The following PARVA variants were observed in gnomAD, a reference collection of about 807,000 sequenced individuals.
PARVA encodes the protein parvin alpha.
A neutral mutation model predicts 52.6 loss-of-function variants in PARVA; 25 were observed. The observed-to-expected ratio is 0.48, with a 90% CI of 0.35 to 0.66. The LOEUF is 0.66. Among genes scored for constraint, PARVA ranks in the 30% least tolerant of loss-of-function variants. The pLI, the probability that PARVA is intolerant of heterozygous loss-of-function variation, is 0.01. For synonymous variants in PARVA, 185 were observed against 179.1 expected, an observed-to-expected ratio of 1.03 and a Z score of -0.26; for missense variants, 373 against 450.9, an observed-to-expected ratio of 0.83 and a Z score of 1.56.
At chr11:12,459,045 T>A (rs566526182) in intron 1 of PARVA, among the ~76,000 whole-genome samples, 8 of 152,204 alleles carry the variant, frequency 5.3e-5, no homozygotes, top group Non-Finnish European at 1.2e-4. Context: ...GACAACTCAC[T>A]GTTAGGATCA....
At chr11:12,491,728 T>G (rs745327138) in intron 4 of PARVA, among the ~76,000 whole-genome samples, 17 of 152,190 alleles carry the variant, frequency 1.1e-4, no homozygotes, top group Non-Finnish European at 2.1e-4. Context: ...TAATCATTAC[T>G]TCAAGAATTT....
In PARVA at chr11:12,496,520, CA is replaced by C; in HGVS notation, c.468del (p.Lys156AsnfsTer13). 6.2e-7 allele frequency: 1 copy of C among 1,609,934 alleles called. No homozygotes were observed. The highest frequency in any genetic ancestry group is 8.5e-7 in the Non-Finnish European group (1 of 1,178,190). ...EVTQSEIAQK[Q>X]KLQTVLEKIN... is the part of the protein sequence containing the mutation. ...CACCCAGTCAGAGATTGCTCAGAAG[CA>C]AAAACTGCAGACTGTCCTGGAGAAG... On this transcript the variant is annotated frameshift_variant, in exon 5 of 13. Coordinates refer to ENST00000334956, the MANE Select transcript of PARVA (RefSeq NM_018222.5). LOFTEE classifies it high-confidence loss of function.
chr11:12,470,594 G>A lies in PARVA; in HGVS notation c.137-3151G>A, dbSNP rs10831829. 2.0e-5 allele frequency among the ~76,000 whole-genome samples: 3 copies of A among 152,012 alleles called. No homozygotes were observed. In the East Asian group the frequency reaches 5.8e-4, roughly 29 times the overall value. On this transcript the variant is annotated intron_variant, in intron 1 of 12. Transcript: ENST00000334956. ...TAATAGTGAACAAAAGAGAAATAGT[G>A]CCAGTCCTTACAAAACTTACATTCT...
intron 4 of PARVA, among the ~76,000 whole-genome samples, chr11:12,491,748 A>T (rs1349417797): frequency 6.6e-6 from 1 of 152,208 alleles, no homozygotes; most frequent in African/African-American, 2.4e-5. Context: ...TGACAAACCT[A>T]TCACAGTGCT....
chr11:12,522,421 C>CTTTTTTTTTTTTTTTT (rs66494894), intron 12 of PARVA, among the ~76,000 whole-genome samples: 4 of 134,634 alleles, frequency 3.0e-5, no homozygotes, highest in African/African-American at 5.6e-5. Flanking sequence ...GAGCTTTATT[C>CTTTTTTTTTTTTTTTT]TTTTTTTTTT....
intron 12 of PARVA, among the ~76,000 whole-genome samples, chr11:12,523,402 C>T (rs531863327): frequency 1.7e-3 from 252 of 152,236 alleles, no homozygotes; most frequent in African/African-American, 5.7e-3. Flanking sequence ...GTTCAGAGAC[C>T]GTGGGGGAAG....
intron 1 of PARVA, chr11:12,453,153 C>T (rs2135016211): frequency 2.5e-6 from 1 of 395,770 alleles, no homozygotes; most frequent in South Asian, 1.8e-5. Context: ...AGTGCTCCTC[C>T]TCTTGCATTT....
intron 1 of PARVA, among the ~76,000 whole-genome samples, chr11:12,470,581 A>G (rs1169988216): frequency 6.6e-6 from 1 of 152,192 alleles, no homozygotes; most frequent in African/African-American, 2.4e-5. Flanking sequence ...ATAGTGAACA[A>G]AAGAGAAATA....
intron 12 of PARVA, among the ~76,000 whole-genome samples, chr11:12,524,551 C>G (rs1222168213): frequency 1.3e-5 from 2 of 152,224 alleles, no homozygotes; most frequent in South Asian, 2.1e-4. Context: ...CGTGCTCATG[C>G]CTCCACTTCT....
At chr11:12,380,276 G>C (rs993751686) in intron 1 of PARVA, among the ~76,000 whole-genome samples, 2 of 142,164 alleles carry the variant, frequency 1.4e-5, no homozygotes, top group African/African-American at 5.7e-5. Context: ...AACTAAGAAG[G>C]GATGCTGAGG....
rs1232098756 is a variant in PARVA at position 12,517,630 on chromosome 11, G to C, written c.888G>C (p.Leu296=). ...TCCAGTTTGCAGATGGGGTGTACCTGGTGCTGCTCATGGGGCTCCTGGAGG... is the reference window on the plus strand; with the variant it reads ...TCCAGTTTGCAGATGGGGTGTACCTCGTGCTGCTCATGGGGCTCCTGGAGG... ...LETQFADGVY[L]VLLMGLLEGY... Residue 296 remains leucine, a synonymous_variant, in exon 11 of 13, where the codon CTG becomes CTC. Transcript: ENST00000334956. 3 of 1,600,716 alleles carry C rather than the reference G, an allele frequency of 1.9e-6. No individual in the cohort carries two copies. In the South Asian group the frequency reaches 3.4e-5, roughly 18 times the overall value.
intron 6 of PARVA, among the ~76,000 whole-genome samples, chr11:12,507,345 G>A (rs767233114): frequency 6.6e-6 from 1 of 152,090 alleles, no homozygotes; most frequent in Non-Finnish European, 1.5e-5. Context: ...GTCTGGTGCT[G>A]GTGGTGGAGG....
At chr11:12,397,964 A>C (rs1388195473) in intron 1 of PARVA, among the ~76,000 whole-genome samples, 1 of 152,110 alleles carries the variant, frequency 6.6e-6, no homozygotes, top group Non-Finnish European at 1.5e-5. Context: ...GTGGTTGCTA[A>C]GTGTTCCACT....
At chr11:12,483,556 G>A (rs1941117001) in intron 4 of PARVA, among the ~76,000 whole-genome samples, 1 of 152,168 alleles carries the variant, frequency 6.6e-6, no homozygotes, top group African/African-American at 2.4e-5. Flanking sequence ...GGTTGAGGGT[G>A]ACCTGTGCAG....
At chr11:12,448,000 A>G (rs538114092) in intron 1 of PARVA, among the ~76,000 whole-genome samples, 2 of 152,338 alleles carry the variant, frequency 1.3e-5, no homozygotes, top group East Asian at 3.9e-4. Context: ...GTCTGGTACA[A>G]AATAAACCTT....
chr11:12,431,992 G>C (rs1209989674), intron 1 of PARVA, among the ~76,000 whole-genome samples: 1 of 152,192 alleles, frequency 6.6e-6, no homozygotes, highest in East Asian at 1.9e-4. Context: ...CATTGAATCA[G>C]AATCATAAAC....
chr11:12,473,609 G>A (rs1564856158), intron 1 of PARVA, 136 bp from the exon 2 acceptor site: 3 of 674,634 alleles, frequency 4.4e-6, no homozygotes, highest in East Asian at 2.7e-5. Context: ...TGAATTGATC[G>A]TAGGCTGAGT....
intron 10 of PARVA, among the ~76,000 whole-genome samples, chr11:12,517,271 CTG>C (rs1249839778): frequency 6.6e-6 from 1 of 152,002 alleles, no homozygotes; most frequent in East Asian, 1.9e-4. Flanking sequence ...CCCTATTAGA[CTG>C]TGTACTCCTC....
In PARVA at chr11:12,401,259, G is replaced by A. The variant is rs112382507; in HGVS notation, c.136+23476G>A. On this transcript the variant is annotated intron_variant, in intron 1 of 12. Coordinates refer to ENST00000334956, the MANE Select transcript of PARVA (RefSeq NM_018222.5). ...AAGTGGCTAAAATATGTGGATATCT[G>A]TTTTACATTTAGGAAAGCTATGTTA... Among the ~76,000 whole-genome samples, 617 of 152,270 alleles carry A rather than the reference G, an allele frequency of 4.1e-3. 4 individuals carry two copies. Among genetic ancestry groups the A allele is most frequent in the African/African-American group, 0.013 (547 of 41,548 alleles).
Sources: gnomAD v4.1 joint callset for allele counts (sites outside exome capture counted in the v4.1 genomes callset) on GRCh38, gnomAD v4.1.1 for gene constraint, MANE v1.5 for transcripts, NCBI Gene and HGNC (gene_info 2026-07-23, HGNC 2026-07-21) for gene names.